Variants in COL21A1 observed in about 807,000 individuals in gnomAD.
COL21A1 encodes collagen type XXI alpha 1 chain.
A neutral mutation model predicts 137.9 loss-of-function variants in COL21A1; 149 were observed. The ratio of observed to expected loss-of-function variants is 1.08; its 90% confidence interval spans 0.95 to 1.24. The LOEUF is 1.24. Ranked by LOEUF, COL21A1 falls within the 50% of genes most tolerant of loss-of-function variation. The pLI is 0.00. For missense variants in COL21A1, 1,167 were observed against 1,158.4 expected (o/e 1.01, Z -0.11); for synonymous variants, 456 against 391.5 (o/e 1.16, Z -1.95).
At chr6:56,254,592 ATAATT>A (rs1782925527) in intron 1 of COL21A1, among the ~76,000 whole-genome samples, 1 of 152,228 alleles carries the variant, frequency 6.6e-6, no homozygotes, top group Non-Finnish European at 1.5e-5. Context: ...ACATAACAAA[ATAATT>A]GTTTATAAAG....
intron 18 of COL21A1, 87 bp from the exon 19 acceptor site, chr6:56,075,619 C>T: frequency 1.1e-6 from 1 of 925,722 alleles, no homozygotes; most frequent in Non-Finnish European, 1.6e-6. Context: ...AATGGAATGA[C>T]AATTGAATAT....
At chr6:56,272,272 C>T (rs1157285585) in intron 1 of COL21A1, among the ~76,000 whole-genome samples, 2 of 152,186 alleles carry the variant, frequency 1.3e-5, no homozygotes, top group Admixed American at 1.3e-4. Context: ...GACCTGGAGT[C>T]ATAGGAGATT....
At chr6:56,206,697 AATATATATATATATATAT>A (rs1204449084) in intron 1 of COL21A1, among the ~76,000 whole-genome samples, 6 of 32,334 alleles carry the variant, frequency 1.9e-4, no homozygotes, top group African/African-American at 4.4e-4. Context: ...TAAATAAATA[AATATATATATATATATAT>A]ATATATATAT....
At chr6:56,332,438 T>C (rs762255629) in intron 1 of COL21A1, among the ~76,000 whole-genome samples, 53 of 151,514 alleles carry the variant, frequency 3.5e-4, no homozygotes, top group Non-Finnish European at 8.8e-5. Flanking sequence ...AAAAAATCAT[T>C]TAGTTGTGGT....
chr6:56,163,551 T>C (rs1776345218), intron 9 of COL21A1, among the ~76,000 whole-genome samples: 2 of 151,960 alleles, frequency 1.3e-5, no homozygotes, highest in South Asian at 4.2e-4. Flanking sequence ...TCTACTAAAA[T>C]ACAAAAAATT....
chr6:56,245,120 T>C (rs1198110068), intron 1 of COL21A1, among the ~76,000 whole-genome samples: 9 of 152,204 alleles, frequency 5.9e-5, no homozygotes, highest in Non-Finnish European at 1.3e-4. Context: ...ATTCACTCTG[T>C]TAAGAACCTA....
rs190730925 is a variant in COL21A1, at chr6:56,355,972, G to A, written c.-39+37999C>T. ...AGCTCCCAAAAAAGTGGAAGACTAG[G>A]ATGCAGAAGCTGAGGAGGAAATGGA... On this transcript the variant is annotated intron_variant, in intron 1 of 28. Coordinates refer to the COL21A1 transcript ENST00000370819. 6.0e-3 allele frequency among the ~76,000 whole-genome samples: 909 copies of A among 152,326 alleles called. 1 individual carries two copies. The highest frequency in any genetic ancestry group is 1.0e-2 in the Non-Finnish European group (677 of 68,034).
chr6:56,144,098 T>C (rs549998338), intron 10 of COL21A1, among the ~76,000 whole-genome samples: 1 of 152,320 alleles, frequency 6.6e-6, no homozygotes, highest in African/African-American at 2.4e-5. Context: ...CACTTTGGAA[T>C]CAGATAGGCC....
chr6:56,097,871 CTATAAATATATAAATATATATAAATA>C lies in COL21A1; in HGVS notation c.1812+3575_1812+3600del, dbSNP rs1562188301. On this transcript the variant is annotated intron_variant, in intron 17 of 29. Coordinates refer to ENST00000244728, the MANE Select transcript of COL21A1 (RefSeq NM_030820.4). ...AATATATATAAATATATAAAAATAT[CTATAAATATATAAATATATATAAATA>C]TATAAATATATAAATATATATAAAT... Among the ~76,000 whole-genome samples, 17 of 41,738 alleles carry C rather than the reference CTATAAATATATAAATATATATAAATA, an allele frequency of 4.1e-4. 1 individual carries two copies. The highest frequency in any genetic ancestry group is 3.0e-3 in the East Asian group (5 of 1,644). The allele number at this position is 41,738 out of a possible 152,430, so 27.4% of individuals were successfully genotyped here. A position where few individuals can be genotyped will look rare whatever the true frequency, so the allele number is the denominator to read the frequency against.
At chr6:56,197,376 A>G (rs1256479356) in intron 1 of COL21A1, among the ~76,000 whole-genome samples, 2 of 152,194 alleles carry the variant, frequency 1.3e-5, no homozygotes, top group Non-Finnish European at 2.9e-5. Context: ...CATCAAACTA[A>G]TAAGTTTATG....
chr6:56,202,318 C>A (rs191919548), intron 1 of COL21A1, among the ~76,000 whole-genome samples: 88 of 152,208 alleles, frequency 5.8e-4, no homozygotes, highest in Non-Finnish European at 9.7e-4. Flanking sequence ...CCCATTGCTA[C>A]AGTAATGGCT....
chr6:56,109,551 A>T lies in COL21A1; in HGVS notation c.1759-8026T>A, dbSNP rs865916160. Among the ~76,000 whole-genome samples the T allele has an allele frequency of 3.1e-4, 47 of 152,046 alleles. 1 individual carries two copies. Among genetic ancestry groups the T allele is most frequent in the African/African-American group, 9.1e-4 (38 of 41,582 alleles). ...AAATTCCCATGGAAAAAAATAAGAG[A>T]AAGTTATCCAAGAACAAAAAGAACC... On this transcript the variant is annotated intron_variant, in intron 16 of 29. Transcript: ENST00000244728.
At chr6:56,344,755 T>C (rs1765553623) in intron 1 of COL21A1, among the ~76,000 whole-genome samples, 2 of 152,088 alleles carry the variant, frequency 1.3e-5, no homozygotes, top group Non-Finnish European at 2.9e-5. Context: ...GTGGGTGAGT[T>C]CTCATGAGAT....
chr6:56,194,132 A>C (rs2152292941), intron 1 of COL21A1, among the ~76,000 whole-genome samples: 1 of 152,344 alleles, frequency 6.6e-6, no homozygotes, highest in South Asian at 2.1e-4. Context: ...CAAAAGCCTC[A>C]AAATTAAGTT....
intron 12 of COL21A1, 142 bp downstream of exon 12, chr6:56,141,643 G>T: frequency 3.9e-6 from 3 of 777,388 alleles, no homozygotes; most frequent in Non-Finnish European, 6.6e-6. Context: ...AAGCTTTATT[G>T]TCTAATAGCC....
intron 1 of COL21A1, among the ~76,000 whole-genome samples, chr6:56,220,706 G>A (rs1330039192): frequency 2.0e-5 from 3 of 152,048 alleles, no homozygotes; most frequent in Non-Finnish European, 4.4e-5. Context: ...TTGCTACAAG[G>A]CTCTTCTTCA....
intron 3 of COL21A1, among the ~76,000 whole-genome samples, chr6:56,179,046 TCTGC>T (rs1427645091): frequency 3.5e-5 from 1 of 28,376 alleles, no homozygotes; most frequent in East Asian, 3.5e-3. Flanking sequence ...TAGGAAATTG[TCTGC>T]TATCCTATGA....
At chr6:56,303,746 T>C (rs1764361606) in intron 1 of COL21A1, among the ~76,000 whole-genome samples, 1 of 152,212 alleles carries the variant, frequency 6.6e-6, no homozygotes, top group African/African-American at 2.4e-5. Context: ...CTGATTGCCC[T>C]GGCCAGAACT....
At position 56,276,746 on chromosome 6, in the gene COL21A1, T is replaced by C; in HGVS notation, c.-38-94090A>G. The C allele has an allele frequency of 5.4e-6, 7 of 1,297,568 alleles. No individual in the cohort carries two copies. The South Asian group carries it at 8.3e-5, about 15-fold the overall frequency. The allele number at this position is 1,297,568 out of a possible 1,614,324, so 80.4% of individuals were successfully genotyped here. A position where few individuals can be genotyped will look rare whatever the true frequency, so the allele number is the denominator to read the frequency against. On this transcript the variant is annotated intron_variant, in intron 1 of 28. Transcript: ENST00000370819. ...CCTTATAAACAGAACTGCCATCAAG[T>C]ATCCAAATCATCTCTACTTTATTTG...
Sources: allele counts gnomAD v4.1 joint callset (sites outside exome capture counted in the v4.1 genomes callset), GRCh38; gene constraint gnomAD v4.1.1; transcripts MANE v1.5; gene names NCBI Gene and HGNC (gene_info 2026-07-23, HGNC 2026-07-21).